Variants in CDH2 observed in about 807,000 individuals in gnomAD.
CDH2 encodes the protein cadherin 2, also known as cadherin-2.
Under a neutral mutation model 92.0 loss-of-function variants are expected in CDH2, and 17 were observed. The ratio of observed to expected loss-of-function variants is 0.18; its 90% confidence interval spans 0.13 to 0.28. CDH2 has a LOEUF of 0.28. Among genes scored for constraint, CDH2 ranks in the 10% least tolerant of loss-of-function variants. The pLI, the probability that CDH2 is intolerant of heterozygous loss-of-function variation, is 1.00. For missense variants in CDH2, 862 were observed against 1,133.1 expected, an observed-to-expected ratio of 0.76 and a Z score of 3.44; for synonymous variants, 419 against 415.9, an observed-to-expected ratio of 1.01 and a Z score of -0.09.
intron 14 of CDH2, among the ~76,000 whole-genome samples, chr18:27,972,704 C>T (rs1416081386): frequency 6.6e-6 from 1 of 152,116 alleles, no homozygotes; most frequent in African/African-American, 2.4e-5. Flanking sequence ...GAAGAGGGCC[C>T]ACAGCAGTTC....
chr18:28,007,791 C>T (rs762341686), intron 5 of CDH2, among the ~76,000 whole-genome samples: 7 of 152,222 alleles, frequency 4.6e-5, no homozygotes, highest in East Asian at 1.9e-4. Context: ...TGCATTGGCA[C>T]GATCTCGGCT....
At chr18:27,977,548 T>TA (rs1437654904) in intron 14 of CDH2, among the ~76,000 whole-genome samples, 1 of 152,192 alleles carries the variant, frequency 6.6e-6, no homozygotes, top group Non-Finnish European at 1.5e-5. Flanking sequence ...TAGCTGCTGG[T>TA]ATGGATACTT....
intron 2 of CDH2, among the ~76,000 whole-genome samples, chr18:28,127,832 A>T (rs1426450759): frequency 6.6e-6 from 1 of 152,238 alleles, no homozygotes; most frequent in African/African-American, 2.4e-5. Context: ...AGCTAATTGT[A>T]TGGTTAACAT....
At chr18:28,175,899 A>G (rs958661455) in intron 1 of CDH2, among the ~76,000 whole-genome samples, 1 of 152,096 alleles carries the variant, frequency 6.6e-6, no homozygotes, top group African/African-American at 2.4e-5. Flanking sequence ...CCGACTTGGG[A>G]CCAGGGCACT....
At chr18:27,969,034 C>T (rs2011594120) in intron 14 of CDH2, among the ~76,000 whole-genome samples, 1 of 152,146 alleles carries the variant, frequency 6.6e-6, no homozygotes, top group Non-Finnish European at 1.5e-5. Flanking sequence ...TATACCCGTG[C>T]AAGCTTTATG....
At chr18:28,156,844 T>C (rs556386230) in intron 1 of CDH2, among the ~76,000 whole-genome samples, 18 of 152,198 alleles carry the variant, frequency 1.2e-4, no homozygotes, top group African/African-American at 4.3e-4. Context: ...GTATAGCATG[T>C]CACCTTCCCA....
intron 2 of CDH2, among the ~76,000 whole-genome samples, chr18:28,101,327 C>T (rs1277561499): frequency 3.3e-5 from 5 of 152,118 alleles, no homozygotes; most frequent in Admixed American, 6.6e-5. Flanking sequence ...AACTCTACCT[C>T]CCTAGCAGTA....
chr18:28,054,958 T>C (rs1382919564), intron 2 of CDH2, among the ~76,000 whole-genome samples: 1 of 152,224 alleles, frequency 6.6e-6, no homozygotes, highest in Non-Finnish European at 1.5e-5. Flanking sequence ...GAAATCTCAA[T>C]TTGTAAGTGT....
chr18:27,958,846 G>C (rs2011323978), intron 15 of CDH2, among the ~76,000 whole-genome samples: 1 of 152,056 alleles, frequency 6.6e-6, no homozygotes, highest in South Asian at 2.1e-4. Context: ...GTTTTGTAAG[G>C]GGCTTTTCTC....
At chr18:28,172,276 A>C (rs1287397030) in intron 1 of CDH2, among the ~76,000 whole-genome samples, 1 of 152,154 alleles carries the variant, frequency 6.6e-6, no homozygotes, top group Non-Finnish European at 1.5e-5. Flanking sequence ...TTAAATCTAC[A>C]TCTTTCAAAA....
At chr18:28,074,856 AAAAATAAGAGTAT>A (rs1167356933) in intron 2 of CDH2, among the ~76,000 whole-genome samples, 1 of 152,134 alleles carries the variant, frequency 6.6e-6, no homozygotes, top group Non-Finnish European at 1.5e-5. Flanking sequence ...CTTGTGAAGT[AAAAATAAGAGTAT>A]AAATTAGAAC....
At chr18:28,064,675 A>C (rs950818061) in intron 2 of CDH2, among the ~76,000 whole-genome samples, 24 of 152,212 alleles carry the variant, frequency 1.6e-4, no homozygotes, top group Admixed American at 6.5e-5. Context: ...TAAAAAAAAA[A>C]AACAACTGGA....
intron 2 of CDH2, among the ~76,000 whole-genome samples, chr18:28,087,480 G>A (rs572045874): frequency 6.6e-6 from 1 of 152,214 alleles, no homozygotes; most frequent in South Asian, 2.1e-4. Context: ...AAACTGCAGA[G>A]GCTGAACTCC....
chr18:28,033,687 T>C (rs185212036), intron 2 of CDH2, among the ~76,000 whole-genome samples: 122 of 152,194 alleles, frequency 8.0e-4, no homozygotes, highest in African/African-American at 2.9e-3. Context: ...ATACACAATA[T>C]AATATACAAG....
At chr18:28,152,842 G>A (rs2016145831) in intron 1 of CDH2, among the ~76,000 whole-genome samples, 1 of 152,108 alleles carries the variant, frequency 6.6e-6, no homozygotes, top group African/African-American at 2.4e-5. Context: ...CCTGAGTCAG[G>A]GCAGGGGCTG....
intron 2 of CDH2, among the ~76,000 whole-genome samples, chr18:28,078,129 T>C (rs1311011545): frequency 6.6e-6 from 1 of 152,080 alleles, no homozygotes; most frequent in Non-Finnish European, 1.5e-5. Context: ...ATTACATTCC[T>C]TTTGCATTTC....
At chr18:28,135,191 A>C (rs1440771001) in intron 2 of CDH2, among the ~76,000 whole-genome samples, 3 of 152,326 alleles carry the variant, frequency 2.0e-5, no homozygotes, top group South Asian at 2.1e-4. Flanking sequence ...AGAAGTAAAA[A>C]ATGCTATGCA....
chr18:28,112,992 G>A (rs2015436747), intron 2 of CDH2, among the ~76,000 whole-genome samples: 1 of 152,122 alleles, frequency 6.6e-6, no homozygotes, highest in Admixed American at 6.6e-5. Context: ...AAGAATGCCA[G>A]GGGGGTAGGT....
At chr18:27,989,631 G>C (rs1448566828) in intron 10 of CDH2, among the ~76,000 whole-genome samples, 1 of 152,172 alleles carries the variant, frequency 6.6e-6, no homozygotes, top group African/African-American at 2.4e-5. Flanking sequence ...AATCTTTACA[G>C]ATAGGTTTCA....
Sources: gnomAD v4.1 joint callset for allele counts (sites outside exome capture counted in the v4.1 genomes callset) on GRCh38, gnomAD v4.1.1 for gene constraint, MANE v1.5 for transcripts, NCBI Gene and HGNC (gene_info 2026-07-23, HGNC 2026-07-21) for gene names.